The following BEND5 variants were observed in gnomAD, a reference collection of about 807,000 sequenced individuals.
The protein encoded by BEND5 is BEN domain-containing protein 5.
In BEND5, 22 loss-of-function variants were observed where a neutral mutation model predicts 43.9. That is an observed-to-expected ratio of 0.50 (90% CI 0.36 to 0.72). BEND5 has a LOEUF of 0.72. Ranked by LOEUF, BEND5 falls within the 30% of genes least tolerant of loss-of-function variation. BEND5 has a pLI of 0.00. For synonymous variants in BEND5, 228 were observed against 225.9 expected, an observed-to-expected ratio of 1.01 and a Z score of -0.08; for missense variants, 428 against 550.6, an observed-to-expected ratio of 0.78 and a Z score of 2.23.
At chr1:48,755,416 A>G (rs1652391200) in intron 3 of BEND5, among the ~76,000 whole-genome samples, 2 of 152,218 alleles carry the variant, frequency 1.3e-5, no homozygotes, top group South Asian at 4.2e-4. Flanking sequence ...TCCAGCACCC[A>G]AGCTAGACAA....
At chr1:48,739,007 C>A (rs1649494093) in intron 4 of BEND5, among the ~76,000 whole-genome samples, 2 of 152,190 alleles carry the variant, frequency 1.3e-5, no homozygotes, top group South Asian at 4.1e-4. Context: ...AACCCAAATC[C>A]TGAAGCTTCT....
At chr1:48,732,817 A>C (rs2148561679) in intron 5 of BEND5, among the ~76,000 whole-genome samples, 1 of 152,288 alleles carries the variant, frequency 6.6e-6, no homozygotes, top group South Asian at 2.1e-4. Context: ...AGAGAAGCTG[A>C]GGAGTGCTTG....
At chr1:48,733,487 A>C (rs1463561535) in intron 5 of BEND5, among the ~76,000 whole-genome samples, 1 of 152,232 alleles carries the variant, frequency 6.6e-6, no homozygotes, top group South Asian at 2.1e-4. Flanking sequence ...GCGAACTATC[A>C]TATTTGGAAA....
chr1:48,770,998 T>C (rs1644796521), intron 1 of BEND5, among the ~76,000 whole-genome samples: 1 of 152,214 alleles, frequency 6.6e-6, no homozygotes, highest in Non-Finnish European at 1.5e-5. Flanking sequence ...GGCTCTCTTT[T>C]CTTGGGTAAA....
rs753334745 is a variant in BEND5 at position 48,736,372 on chromosome 1, C to T, written c.975G>A (p.Thr325=). 8 of 1,614,076 alleles carry T rather than the reference C, an allele frequency of 5.0e-6. No individual in the cohort carries two copies. The highest frequency in any genetic ancestry group is 2.7e-5 in the African/African-American group (2 of 74,994). The change falls in exon 5 of 6, where the codon ACG becomes ACA. Residue 325 remains threonine (T), a synonymous_variant. Transcript: ENST00000371833. The surrounding 1 kb of genome is among the most constrained non-coding windows in gnomAD (Gnocchi z 4.0). ...CCCAAATCATAACTGCCAAGTTCTT[C>T]GTGTACTTGGAATCTCCTTGGGTTA... is the stretch of plus-strand genomic sequence containing the variant. ...LQVTQGDSKY[T]KNLAVMIWGT...
rs569748797 is a variant in BEND5 at position 48,736,209 on chromosome 1, C to T, written c.1108+30G>A. 6.3e-7 allele frequency: 1 copy of T among 1,589,500 alleles called. No individual in the cohort carries two copies. Among genetic ancestry groups the T allele is most frequent in the East Asian group, 2.2e-5 (1 of 44,762 alleles). ...CTTGACAGAGTAAAAGACAGAATCC[C>T]AGCCATTGTGTTTCCACTCAGTGAC... On this transcript the variant is annotated intron_variant, in intron 5 of 5. Transcript: ENST00000371833. This position sits in a 1 kb window ranked among gnomAD's most constrained non-coding sequence, Gnocchi z 4.0.
At chr1:48,750,862 C>A (rs1418938390) in intron 3 of BEND5, among the ~76,000 whole-genome samples, 6 of 152,028 alleles carry the variant, frequency 3.9e-5, no homozygotes, top group Admixed American at 6.6e-5. Flanking sequence ...TCTGGGGTTC[C>A]TTATAGGACT....
chr1:48,728,402 T>C (rs1316392239), intron 5 of BEND5, among the ~76,000 whole-genome samples: 1 of 151,912 alleles, frequency 6.6e-6, no homozygotes, highest in Non-Finnish European at 1.5e-5. Flanking sequence ...TGTTAACACA[T>C]GTATGTATCC....
At chr1:48,758,729 T>C (rs1644082607) in intron 3 of BEND5, among the ~76,000 whole-genome samples, 171 bp downstream of exon 3, 1 of 152,190 alleles carries the variant, frequency 6.6e-6, no homozygotes, top group Non-Finnish European at 1.5e-5. Flanking sequence ...TCCTACCAGA[T>C]TCACTATGAG....
In BEND5 at chr1:48,736,687, A is replaced by C. The variant is rs545123879; in HGVS notation, c.895-235T>G. Among the ~76,000 whole-genome samples, 92 of 152,286 alleles carry C rather than the reference A, an allele frequency of 6.0e-4. No homozygotes were observed. Among genetic ancestry groups the C allele is most frequent in the African/African-American group, 2.2e-3 (91 of 41,556 alleles). On this transcript the variant is annotated intron_variant, in intron 4 of 5. Transcript: ENST00000371833. The surrounding 1 kb of genome is among the most constrained non-coding windows in gnomAD (Gnocchi z 4.0). ...TCTTAAATCTTCATGGCAATTGTGG[A>C]TAGAAGGCATTATAACACCATTTTC...
intron 3 of BEND5, among the ~76,000 whole-genome samples, chr1:48,754,080 T>C (rs1652151516): frequency 6.6e-6 from 1 of 152,222 alleles, no homozygotes; most frequent in South Asian, 2.1e-4. Flanking sequence ...TTTGAACTAA[T>C]GTTACCCGAG....
chr1:48,739,765 C>T (rs1419464964), intron 4 of BEND5, among the ~76,000 whole-genome samples: 3 of 152,244 alleles, frequency 2.0e-5, no homozygotes, highest in Non-Finnish European at 4.4e-5. Flanking sequence ...TTCCCCTCCC[C>T]ATGTTTCCGC....
intron 3 of BEND5, among the ~76,000 whole-genome samples, chr1:48,747,026 TCACTAC>T (rs1243856936): frequency 3.3e-5 from 5 of 152,238 alleles, no homozygotes. Context: ...TTAGTCGGCT[TCACTAC>T]CGATGTTGGC....
intron 1 of BEND5, among the ~76,000 whole-genome samples, chr1:48,774,627 A>C (rs1435123921): frequency 6.6e-6 from 1 of 152,220 alleles, no homozygotes; most frequent in East Asian, 1.9e-4. Flanking sequence ...ATTTATCAAC[A>C]TTCTAACTTG....
In BEND5 at chr1:48,727,840, CAT is replaced by C. The variant is rs751658064; in HGVS notation, c.*44_*45del. ...GGACGGCACCATCGCTCGCAAATCA[CAT>C]GCCACACAAGGAAAACACGAAAGCT... On this transcript the variant is annotated 3_prime_UTR_variant, in exon 6 of 6. Coordinates refer to ENST00000371833, the MANE Select transcript of BEND5 (RefSeq NM_024603.4). The C allele has an allele frequency of 2.5e-5, 39 of 1,549,608 alleles. No homozygotes were observed. Among genetic ancestry groups the C allele is most frequent in the Non-Finnish European group, 3.4e-5 (38 of 1,131,722 alleles).
At chr1:48,769,591 A>G (rs1644709358) in intron 1 of BEND5, among the ~76,000 whole-genome samples, 1 of 149,806 alleles carries the variant, frequency 6.7e-6, no homozygotes, top group Admixed American at 6.6e-5. Context: ...TTAAACTTGT[A>G]TGCTCCTTCC....
chr1:48,761,264 A>T, intron 2 of BEND5, 73 bp downstream of exon 2: 1 of 1,441,012 alleles, frequency 6.9e-7, no homozygotes, highest in Non-Finnish European at 9.3e-7. Flanking sequence ...AGGAAGCCAG[A>T]CTGAAACTCT....
intron 3 of BEND5, among the ~76,000 whole-genome samples, chr1:48,754,816 C>T (rs565454534): frequency 6.6e-6 from 1 of 152,002 alleles, no homozygotes; most frequent in Admixed American, 6.6e-5. Context: ...GAGGAGACAC[C>T]CCCATGTTGG....
intron 5 of BEND5, among the ~76,000 whole-genome samples, chr1:48,734,568 C>G (rs1648710569): frequency 6.6e-6 from 1 of 152,200 alleles, no homozygotes; most frequent in African/African-American, 2.4e-5. Context: ...ACCTCCCTGA[C>G]CTCACTCTTC....
Sources: allele counts gnomAD v4.1 joint callset (sites outside exome capture counted in the v4.1 genomes callset), GRCh38; gene constraint gnomAD v4.1.1; non-coding constraint Gnocchi (gnomAD v3.1); transcripts MANE v1.5; gene names NCBI Gene and HGNC (gene_info 2026-07-23, HGNC 2026-07-21).